The following SLC9A9 variants were observed in gnomAD, a reference collection of about 807,000 sequenced individuals.
SLC9A9 encodes the protein sodium/hydrogen exchanger 9.
Under a neutral mutation model 77.8 loss-of-function variants are expected in SLC9A9, and 62 were observed. That is an observed-to-expected ratio of 0.80 (90% CI 0.65 to 0.98). The LOEUF is 0.98. Among genes scored for constraint, SLC9A9 ranks in the 50% least tolerant of loss-of-function variants. The pLI, the probability that SLC9A9 is intolerant of heterozygous loss-of-function variation, is 0.00. For synonymous variants in SLC9A9, 320 were observed against 283.5 expected (o/e 1.13, Z -1.29); for missense variants, 775 against 774.9 (o/e 1.00, Z 0.00).
At chr3:143,744,141 T>C (rs1284200867) in intron 4 of SLC9A9, among the ~76,000 whole-genome samples, 1 of 152,176 alleles carries the variant, frequency 6.6e-6, no homozygotes, top group African/African-American at 2.4e-5. Context: ...CCTTGAACAG[T>C]CCAGAATTTT....
intron 4 of SLC9A9, among the ~76,000 whole-genome samples, chr3:143,745,022 T>A (rs1160123505): frequency 6.6e-6 from 1 of 152,192 alleles, no homozygotes; most frequent in Non-Finnish European, 1.5e-5. Context: ...ACCATCCTCT[T>A]TTGTTGTTTA....
intron 12 of SLC9A9, among the ~76,000 whole-genome samples, chr3:143,449,843 A>ATT (rs530685441): frequency 0.33 from 24,505 of 75,342 alleles, 4,935 homozygotes; most frequent in East Asian, 0.48. Flanking sequence ...TATATGTATT[A>ATT]TATATATATA....
At position 143,572,427 on chromosome 3, in the gene SLC9A9, A is replaced by C. The variant is rs560032036; in HGVS notation, c.1000+1661T>G. Among the ~76,000 whole-genome samples, 12 of 152,200 alleles carry C rather than the reference A, an allele frequency of 7.9e-5. No individual in the cohort carries two copies. The South Asian group carries it at 2.3e-3, about 29-fold the overall frequency. Reference sequence around the variant, plus strand: ...GGTCAAATATTTTTTCTTATTATTAATACTACTTGGATCATTTTATAAGTT... The same window carrying C: ...GGTCAAATATTTTTTCTTATTATTACTACTACTTGGATCATTTTATAAGTT... On this transcript the variant is annotated intron_variant, in intron 8 of 15. Coordinates refer to ENST00000316549, the MANE Select transcript of SLC9A9 (RefSeq NM_173653.4).
intron 12 of SLC9A9, among the ~76,000 whole-genome samples, chr3:143,456,449 G>A (rs1402928174): frequency 6.6e-6 from 1 of 152,072 alleles, no homozygotes; most frequent in Non-Finnish European, 1.5e-5. Context: ...CTGTTTCTTG[G>A]AAAAGATTAT....
intron 12 of SLC9A9, among the ~76,000 whole-genome samples, chr3:143,416,416 T>C (rs1225266705): frequency 6.6e-6 from 1 of 152,116 alleles, no homozygotes; most frequent in Non-Finnish European, 1.5e-5. Flanking sequence ...GTCTTATTTA[T>C]AGATATTGCC....
intron 4 of SLC9A9, among the ~76,000 whole-genome samples, chr3:143,775,439 A>G (rs936775525): frequency 3.9e-5 from 6 of 152,232 alleles, no homozygotes; most frequent in African/African-American, 1.2e-4. Context: ...AGAAATTGTC[A>G]TGTACTTTCC....
At chr3:143,336,081 A>C (rs1342281759) in intron 14 of SLC9A9, among the ~76,000 whole-genome samples, 1 of 152,172 alleles carries the variant, frequency 6.6e-6, no homozygotes, top group Non-Finnish European at 1.5e-5. Context: ...ACCTTATTGG[A>C]AAATGGGCAA....
At position 143,721,911 on chromosome 3, in the gene SLC9A9, T is replaced by A. The variant is rs115364311; in HGVS notation, c.534-28604A>T. Reference sequence around the variant, plus strand: ...GAGGAAAAGCCTAGCAAACACGTTATTTTTTTAAACAGAAGGTGTTTACAT... The same window carrying A: ...GAGGAAAAGCCTAGCAAACACGTTAATTTTTTAAACAGAAGGTGTTTACAT... On this transcript the variant is annotated intron_variant, in intron 4 of 15. Coordinates refer to ENST00000316549, the MANE Select transcript of SLC9A9 (RefSeq NM_173653.4). Among the ~76,000 whole-genome samples the A allele has an allele frequency of 6.8e-3, 1,036 of 152,298 alleles. 14 individuals are homozygous for A. Among genetic ancestry groups the A allele is most frequent in the African/African-American group, 0.024 (995 of 41,552 alleles).
chr3:143,765,039 C>G (rs1034160888), intron 4 of SLC9A9, among the ~76,000 whole-genome samples: 1 of 147,822 alleles, frequency 6.8e-6, no homozygotes, highest in African/African-American at 2.5e-5. Flanking sequence ...CTCTCTTTCT[C>G]TTTCTTTTTC....
chr3:143,365,017 G>T (rs1410932932), intron 13 of SLC9A9, among the ~76,000 whole-genome samples: 2 of 152,184 alleles, frequency 1.3e-5, no homozygotes, highest in Non-Finnish European at 2.9e-5. Flanking sequence ...CAAAGACACA[G>T]AATTAACCTA....
rs1288098096 is a variant in SLC9A9, at chr3:143,697,289, A to G, written c.534-3982T>C. On this transcript the variant is annotated intron_variant, in intron 4 of 15. Coordinates refer to ENST00000316549, the MANE Select transcript of SLC9A9 (RefSeq NM_173653.4). ...ATACTTAGGCATACATATAAACAGA[A>G]AAAGTTAGATGCATACAGCCTCATG... Among the ~76,000 whole-genome samples the G allele has an allele frequency of 2.0e-5, 3 of 152,250 alleles. No homozygotes were observed. The East Asian group carries it at 5.8e-4, about 29-fold the overall frequency.
intron 6 of SLC9A9, among the ~76,000 whole-genome samples, chr3:143,584,303 C>T (rs933896836): frequency 4.6e-5 from 7 of 152,124 alleles, no homozygotes; most frequent in South Asian, 2.1e-4. Context: ...AAGCTCCTGG[C>T]GGCCCTGGTT....
intron 14 of SLC9A9, among the ~76,000 whole-genome samples, chr3:143,269,430 A>G (rs188235484): frequency 9.5e-4 from 144 of 152,380 alleles, no homozygotes; most frequent in Non-Finnish European, 1.8e-3. Flanking sequence ...TAGTGAACAT[A>G]GATTGTTTTC....
At chr3:143,283,452 C>T (rs1288410383) in intron 14 of SLC9A9, among the ~76,000 whole-genome samples, 3 of 152,176 alleles carry the variant, frequency 2.0e-5, no homozygotes, top group Non-Finnish European at 2.9e-5. Context: ...GAGGAGACTG[C>T]CTGCACTAGA....
intron 8 of SLC9A9, among the ~76,000 whole-genome samples, chr3:143,572,016 T>C (rs967851486): frequency 2.0e-4 from 30 of 152,202 alleles, no homozygotes; most frequent in Non-Finnish European, 7.3e-5. Flanking sequence ...GGGGTGAGTC[T>C]GCCCCTCGGT....
At chr3:143,411,677 C>A (rs1047603150) in intron 12 of SLC9A9, among the ~76,000 whole-genome samples, 65 of 152,184 alleles carry the variant, frequency 4.3e-4, no homozygotes, top group African/African-American at 1.6e-3. Context: ...AATGTCTTCT[C>A]TCTTTCCATT....
chr3:143,620,404 T>G (rs36030926), intron 6 of SLC9A9: 1,971 of 152,386 alleles, frequency 0.013, 38 homozygotes, highest in Non-Finnish European at 0.016. Context: ...AGTGTTAAAA[T>G]TTAAAAATCA....
intron 12 of SLC9A9, among the ~76,000 whole-genome samples, chr3:143,418,145 C>T (rs536388102): frequency 9.3e-5 from 14 of 150,472 alleles, no homozygotes; most frequent in South Asian, 4.3e-4. Flanking sequence ...AGTGATAATC[C>T]GGGCATCTGG....
At chr3:143,735,558 C>CTGAA (rs1232459740) in intron 4 of SLC9A9, among the ~76,000 whole-genome samples, 3 of 152,040 alleles carry the variant, frequency 2.0e-5, no homozygotes, top group African/African-American at 7.2e-5. Context: ...TCAGGAACTG[C>CTGAA]TGAATGAATG....
Sources: gnomAD v4.1 joint callset for allele counts (sites outside exome capture counted in the v4.1 genomes callset) on GRCh38, gnomAD v4.1.1 for gene constraint, MANE v1.5 for transcripts, NCBI Gene and HGNC (gene_info 2026-07-23, HGNC 2026-07-21) for gene names.